The following GLI2 variants were observed in gnomAD, a reference collection of about 807,000 sequenced individuals.
GLI2 encodes GLI family zinc finger 2.
Under a neutral mutation model 78.9 loss-of-function variants are expected in GLI2, and 22 were observed. The observed-to-expected ratio is 0.28, with a 90% confidence interval of 0.20 to 0.40. The LOEUF is 0.40. Among genes scored for constraint, GLI2 ranks in the 10% least tolerant of loss-of-function variants. The pLI, the probability that GLI2 is intolerant of heterozygous loss-of-function variation, is 1.00. For missense variants in GLI2, 2,097 were observed against 2,213.2 expected (o/e 0.95, Z 1.05); for synonymous variants, 974 against 963.7 (o/e 1.01, Z -0.20).
intron 2 of GLI2, among the ~76,000 whole-genome samples, chr2:120,912,832 A>G (rs536829672): frequency 8.6e-4 from 131 of 152,244 alleles, no homozygotes; most frequent in Admixed American, 1.8e-3. Flanking sequence ...TCCAGGGCAG[A>G]ACAAGGGAGG....
intron 2 of GLI2, among the ~76,000 whole-genome samples, chr2:120,808,286 G>A (rs1685056252): frequency 6.6e-6 from 1 of 152,174 alleles, no homozygotes; most frequent in South Asian, 2.1e-4. Flanking sequence ...TGGTGGCCAG[G>A]GTGGGGAAGT....
At chr2:120,925,260 G>C (rs954686268) in intron 2 of GLI2, among the ~76,000 whole-genome samples, 11 of 152,218 alleles carry the variant, frequency 7.2e-5, no homozygotes, top group Non-Finnish European at 1.5e-4. Context: ...GATTGAATCA[G>C]GGTGAGAAGA....
At chr2:120,836,645 A>G (rs1417631597) in intron 2 of GLI2, among the ~76,000 whole-genome samples, 11 of 152,220 alleles carry the variant, frequency 7.2e-5, no homozygotes, top group African/African-American at 2.7e-4. Flanking sequence ...AAATATCACA[A>G]TACATTGCAA....
At chr2:120,967,374 G>T (rs1278209687) in intron 5 of GLI2, among the ~76,000 whole-genome samples, 1 of 152,238 alleles carries the variant, frequency 6.6e-6, no homozygotes, top group East Asian at 1.9e-4. Context: ...GACTGGCTCT[G>T]AGGGATCTGG....
Position 120,982,846 on chromosome 2 carries a change from G to A in GLI2, c.1598G>A (p.Arg533His), listed in dbSNP as rs1229340491. 1.9e-6 allele frequency: 3 copies of A among 1,613,970 alleles called. No homozygotes were observed. Among genetic ancestry groups the A allele is most frequent in the Non-Finnish European group, 2.5e-6 (3 of 1,179,982 alleles). The change falls in exon 11 of 14, where the codon CGC (arginine) becomes CAC (histidine). Residue 533 changes from arginine (R) to histidine (H), a missense_variant. By Grantham distance (29) the Arg-to-His change is conservative (BLOSUM62 0). This residue lies in a region of GLI2 where 104 missense variants were observed against 190.6 expected (regional missense o/e 0.55). Transcript: ENST00000361492. ...AAAGCCTTCTCCAACGCCTCGGACC[G>A]CGCCAAGCACCAGAATCGCACCCAC... ...CNKAFSNASD[R>H]AKHQNRTHSN...
rs78356771 is a variant in GLI2 at position 120,927,641 on chromosome 2, A to G, written c.254+175A>G. ...TCATGGCCTGGGACCCTGTGTGAGC[A>G]TGTGCGTGGGCAGTGTATAAACACC... On this transcript the variant is annotated intron_variant, in intron 3 of 13. Coordinates refer to ENST00000361492, the MANE Select transcript of GLI2 (RefSeq NM_001374353.1). Among the ~76,000 whole-genome samples, 8,109 of 152,250 alleles carry G rather than the reference A, an allele frequency of 0.053. 675 individuals carry two copies. The highest frequency in any genetic ancestry group is 0.18 in the African/African-American group (7,462 of 41,518).
chr2:120,953,519 A>G (rs1681094287), intron 4 of GLI2, among the ~76,000 whole-genome samples: 1 of 152,250 alleles, frequency 6.6e-6, no homozygotes, highest in Non-Finnish European at 1.5e-5. Flanking sequence ...GCCCTGGGAA[A>G]CTAATACACA....
chr2:120,749,129 T>C (rs1459905579), intron 1 of GLI2, among the ~76,000 whole-genome samples: 2 of 152,256 alleles, frequency 1.3e-5, no homozygotes, highest in Non-Finnish European at 2.9e-5. Flanking sequence ...CTCTGGGATT[T>C]CCCTTGCTTA....
chr2:120,773,723 T>TGGCAGGC (rs1270759091), intron 1 of GLI2, among the ~76,000 whole-genome samples: 3 of 152,064 alleles, frequency 2.0e-5, no homozygotes, highest in Admixed American at 2.0e-4. Context: ...AGGTGGCAGG[T>TGGCAGGC]GGCAGGCAGC....
chr2:120,970,674 C>T (rs1682105689), intron 7 of GLI2, 68 bp downstream of exon 7: 1 of 1,304,404 alleles, frequency 7.7e-7, no homozygotes, highest in Non-Finnish European at 1.1e-6. Flanking sequence ...TGTTCACTGC[C>T]AGCTCATGCT....
intron 3 of GLI2, among the ~76,000 whole-genome samples, chr2:120,950,162 C>A (rs1053492955): frequency 6.6e-6 from 1 of 152,208 alleles, no homozygotes; most frequent in South Asian, 2.1e-4. Context: ...GATCCCCATT[C>A]CACAGATGAG....
At chr2:120,789,544 G>A (rs1246511543) in intron 1 of GLI2, among the ~76,000 whole-genome samples, 5 of 152,156 alleles carry the variant, frequency 3.3e-5, no homozygotes, top group Admixed American at 6.6e-5. Context: ...CAGGTAGCCC[G>A]CCCTTGTGGA....
chr2:120,917,072 C>A (rs772277237), intron 2 of GLI2, among the ~76,000 whole-genome samples: 2 of 152,164 alleles, frequency 1.3e-5, no homozygotes, highest in Non-Finnish European at 2.9e-5. Context: ...TGGCCAGAAG[C>A]GACCTTAGCC....
At chr2:120,739,378 G>C (rs967943396) in intron 1 of GLI2, among the ~76,000 whole-genome samples, 40 of 152,192 alleles carry the variant, frequency 2.6e-4, no homozygotes, top group Admixed American at 7.9e-4. Flanking sequence ...TTGAAAGCTT[G>C]TGTGACCCCC....
chr2:120,871,319 T>TGCATGG (rs1382836517), intron 2 of GLI2, among the ~76,000 whole-genome samples: 1 of 152,242 alleles, frequency 6.6e-6, no homozygotes, highest in East Asian at 1.9e-4. Flanking sequence ...CACACAGCTG[T>TGCATGG]GCATGGTGGA....
At chr2:120,900,366 T>A (rs1437800207) in intron 2 of GLI2, among the ~76,000 whole-genome samples, 1 of 152,214 alleles carries the variant, frequency 6.6e-6, no homozygotes, top group Non-Finnish European at 1.5e-5. Flanking sequence ...TCTGGGAGTC[T>A]TCATTTTAAA....
rs564677470 is a variant in GLI2, at chr2:120,793,724, G to A, written c.-30-3567G>A. Among the ~76,000 whole-genome samples the A allele has an allele frequency of 3.9e-4, 60 of 152,294 alleles. 1 individual carries two copies. The highest frequency in any genetic ancestry group is 1.4e-3 in the African/African-American group (58 of 41,544). ...CACGAAACCTCAGGTGCATCTGTGT[G>A]CACATCCTCTCCCTGAGCCACAGTC... On this transcript the variant is annotated intron_variant, in intron 1 of 13. Transcript: ENST00000361492.
At chr2:120,749,872 A>G (rs1227665943) in intron 1 of GLI2, among the ~76,000 whole-genome samples, 2 of 152,238 alleles carry the variant, frequency 1.3e-5, no homozygotes, top group Non-Finnish European at 2.9e-5. Context: ...ACCACTAGGT[A>G]TAGGACATGT....
At chr2:120,955,153 CTTTTT>C (rs869202442) in intron 4 of GLI2, 87 bp from the exon 5 acceptor site, 280 of 146,964 alleles carry the variant, frequency 1.9e-3, no homozygotes, top group African/African-American at 0.013. Context: ...TTCTCTCTGC[CTTTTT>C]TTTTTTTTTT....
Sources: gnomAD v4.1 joint callset for allele counts (sites outside exome capture counted in the v4.1 genomes callset) on GRCh38, gnomAD v4.1.1 for gene constraint, gnomAD v4.1.1 regional missense constraint, MANE v1.5 for transcripts, NCBI Gene and HGNC (gene_info 2026-07-23, HGNC 2026-07-21) for gene names.